Variants in TTBK2 observed in about 807,000 individuals in gnomAD.
TTBK2 encodes the protein tau tubulin kinase 2.
TTBK2 carries 28 observed loss-of-function variants against 110.8 expected under a neutral mutation model. The observed-to-expected ratio is 0.25, with a 90% CI of 0.19 to 0.35. The LOEUF is 0.35. TTBK2 is among the 10% of genes least tolerant of loss of function. The probability of loss-of-function intolerance (pLI) is 1.00; values close to 1 mark genes in which losing one functional copy is unlikely to be tolerated. For synonymous variants in TTBK2, 532 were observed against 527.3 expected (o/e 1.01, Z -0.12); for missense variants, 1,369 against 1,500.3 (o/e 0.91, Z 1.45).
At chr15:42,840,299 T>C (rs1595971434) in intron 4 of TTBK2, 61 bp downstream of exon 4, 1 of 1,367,330 alleles carries the variant, frequency 7.3e-7, no homozygotes, top group East Asian at 2.3e-5. Flanking sequence ...TCATATTCAC[T>C]GTAATTGTAT....
chr15:42,898,059 T>C (rs1427464031), intron 1 of TTBK2, among the ~76,000 whole-genome samples: 1 of 152,054 alleles, frequency 6.6e-6, no homozygotes, highest in East Asian at 1.9e-4. Flanking sequence ...GGTGTGATGG[T>C]GCGTGCCTGT....
intron 3 of TTBK2, chr15:42,871,591 C>T: frequency 1.0e-6 from 1 of 985,272 alleles, no homozygotes; most frequent in Non-Finnish European, 1.2e-6. Context: ...GTAGCTCTGG[C>T]TGTACCTGTT....
intron 3 of TTBK2, among the ~76,000 whole-genome samples, chr15:42,867,863 C>T (rs192319507): frequency 1.0e-3 from 155 of 152,296 alleles, no homozygotes; most frequent in Non-Finnish European, 1.7e-3. Flanking sequence ...AAACTTATAT[C>T]CACACAAAAA....
At chr15:42,904,249 T>C (rs908996933) in intron 1 of TTBK2, among the ~76,000 whole-genome samples, 2 of 152,340 alleles carry the variant, frequency 1.3e-5, no homozygotes, top group Non-Finnish European at 2.9e-5. Context: ...TAGATAACTA[T>C]ATACCAGGCT....
chr15:42,811,553 T>C (rs1443006945), intron 8 of TTBK2, 135 bp downstream of exon 8: 1 of 684,316 alleles, frequency 1.5e-6, no homozygotes, highest in Non-Finnish European at 2.5e-6. Context: ...CACAGAAAAA[T>C]ACATATATTG....
intron 1 of TTBK2, among the ~76,000 whole-genome samples, chr15:42,899,370 C>T (rs535589276): frequency 6.6e-6 from 1 of 151,758 alleles, no homozygotes; most frequent in Admixed American, 6.6e-5. Flanking sequence ...CCGGGGTAGG[C>T]GGATCACTTG....
chr15:42,781,596 T>C (rs1446114485), intron 11 of TTBK2, among the ~76,000 whole-genome samples: 1 of 152,164 alleles, frequency 6.6e-6, no homozygotes, highest in Non-Finnish European at 1.5e-5. Context: ...TTCAATTCTA[T>C]GTAAATTTAA....
intron 1 of TTBK2, among the ~76,000 whole-genome samples, chr15:42,879,213 T>C (rs1894939282): frequency 1.3e-5 from 2 of 152,036 alleles, no homozygotes; most frequent in South Asian, 2.1e-4. Flanking sequence ...AGCATACCTG[T>C]AGAAAATGAA....
rs182460959 is a variant in TTBK2 at position 42,783,022 on chromosome 15, C to T, written c.1197+397G>A. Among the ~76,000 whole-genome samples the T allele has an allele frequency of 1.5e-3, 231 of 152,274 alleles. 1 individual carries two copies. Among genetic ancestry groups the T allele is most frequent in the African/African-American group, 5.3e-3 (222 of 41,554 alleles). On this transcript the variant is annotated intron_variant, in intron 11 of 14. Coordinates refer to ENST00000267890, the MANE Select transcript of TTBK2 (RefSeq NM_173500.4). Reference sequence around the variant, plus strand: ...ACTATTCATCCAGATTGTGCTTTGTCAACAGCCAAATCACATTGTGGCATA... The same window carrying T: ...ACTATTCATCCAGATTGTGCTTTGTTAACAGCCAAATCACATTGTGGCATA...
intron 1 of TTBK2, among the ~76,000 whole-genome samples, chr15:42,895,691 C>A (rs574611179): frequency 1.3e-5 from 2 of 151,974 alleles, no homozygotes; most frequent in African/African-American, 4.8e-5. Flanking sequence ...GCGCCTGCCA[C>A]CACGCCCAGC....
In TTBK2 at chr15:42,827,564, T is replaced by C. The variant is rs533838340; in HGVS notation, c.537+364A>G. ...CAAGTAAAAGAAAATGTGATGACAG[T>C]GTGGCACCAAATAGAGAATATCAGT... On this transcript the variant is annotated intron_variant, in intron 6 of 14. Transcript: ENST00000267890. Among the ~76,000 whole-genome samples the C allele has an allele frequency of 1.3e-3, 194 of 152,266 alleles. 2 individuals are homozygous for C. Among genetic ancestry groups the C allele is most frequent in the Middle Eastern group, 6.8e-3 (2 of 294 alleles).
At chr15:42,848,079 C>T (rs911108067) in intron 3 of TTBK2, among the ~76,000 whole-genome samples, 52 of 152,076 alleles carry the variant, frequency 3.4e-4, no homozygotes, top group African/African-American at 1.1e-3. Flanking sequence ...AGAAATTATA[C>T]ATTTTTATTG....
chr15:42,791,136 G>A (rs191001993), intron 10 of TTBK2, among the ~76,000 whole-genome samples: 1 of 152,034 alleles, frequency 6.6e-6, no homozygotes, highest in African/African-American at 2.4e-5. Flanking sequence ...CGCCCGCCTT[G>A]GCCTCCCAAA....
chr15:42,891,732 C>T (rs1440198896), intron 1 of TTBK2, among the ~76,000 whole-genome samples: 32 of 152,082 alleles, frequency 2.1e-4, no homozygotes, highest in Non-Finnish European at 5.9e-5. Context: ...TTAAGTATAG[C>T]ACTTTCATGA....
In TTBK2 at chr15:42,753,100, CA is replaced by C; in HGVS notation, c.2145del (p.Val716Ter). 1 of 1,600,826 alleles carries C rather than the reference CA, an allele frequency of 6.2e-7. No individual in the cohort carries two copies. On this transcript the variant is annotated frameshift_variant, in exon 14 of 15. Coordinates refer to ENST00000267890, the MANE Select transcript of TTBK2 (RefSeq NM_173500.4). LOFTEE classifies it high-confidence loss of function. ...CCACTAGGAGGTTCACCCTCTGTCA[CA>C]ACCAAGCCAGAGAAGTTTTCCCTTG... The part of the protein sequence containing the change: ...YSPRENFSGL[V>X]VTEGEPPSGG...
intron 2 of TTBK2, among the ~76,000 whole-genome samples, chr15:42,873,656 A>G (rs1307162522): frequency 1.3e-5 from 2 of 152,220 alleles, no homozygotes; most frequent in Non-Finnish European, 2.9e-5. Context: ...TAAATATGTT[A>G]GCTTAACTGG....
rs1412611002 is a variant in TTBK2 at position 42,920,612 on chromosome 15, T to TG, written c.-243dup. 2 of 157,142 alleles carry TG rather than the reference T, an allele frequency of 1.3e-5. No homozygotes were observed. The highest frequency in any genetic ancestry group is 2.8e-5 in the Non-Finnish European group (2 of 71,636). The allele number at this position is 157,142 out of a possible 1,614,324, so 9.7% of individuals were successfully genotyped here. ...AGGGCCGGCCGGCTGGGTAGTCCCC[T>TG]GGGGTACCGTCCGCGTTTACTGGCG... is the stretch of plus-strand genomic sequence containing the variant. On this transcript the variant is annotated 5_prime_UTR_variant, in exon 1 of 15. Transcript: ENST00000267890.
chr15:42,866,984 C>T (rs772743882), intron 3 of TTBK2, among the ~76,000 whole-genome samples: 1 of 152,138 alleles, frequency 6.6e-6, no homozygotes, highest in Non-Finnish European at 1.5e-5. Context: ...GTGGCTCACG[C>T]CTGTAATCCC....
intron 9 of TTBK2, chr15:42,801,812 C>G: frequency 1.2e-6 from 1 of 842,078 alleles, no homozygotes; most frequent in South Asian, 1.3e-5. Context: ...TAAGCTTCAT[C>G]TACATACTCC....
Sources: allele counts gnomAD v4.1 joint callset (sites outside exome capture counted in the v4.1 genomes callset), GRCh38; gene constraint gnomAD v4.1.1; transcripts MANE v1.5; gene names NCBI Gene and HGNC (gene_info 2026-07-23, HGNC 2026-07-21).